The following MCPH1 variants were observed in gnomAD, a reference collection of about 807,000 sequenced individuals.
The protein encoded by MCPH1 is microcephalin 1.
A neutral mutation model predicts 84.5 loss-of-function variants in MCPH1; 104 were observed. The observed-to-expected ratio is 1.23, with a 90% CI of 1.05 to 1.45. The LOEUF is 1.45. MCPH1 is among the 40% of genes most tolerant of loss of function. The pLI, the probability that MCPH1 is intolerant of heterozygous loss-of-function variation, is 0.00. For missense variants in MCPH1, 1,498 were observed against 1,005.7 expected, an observed-to-expected ratio of 1.49 and a Z score of -6.62; for synonymous variants, 514 against 366.8, an observed-to-expected ratio of 1.40 and a Z score of -4.58.
intron 12 of MCPH1, among the ~76,000 whole-genome samples, chr8:6,613,113 G>C (rs1830433915): frequency 1.3e-5 from 2 of 152,170 alleles, no homozygotes; most frequent in African/African-American, 4.8e-5. Context: ...CTGGGGTTCT[G>C]AGGAAGGCAG....
chr8:6,601,579 A>ATACG (rs563226820), intron 12 of MCPH1, among the ~76,000 whole-genome samples: 1 of 148,104 alleles, frequency 6.8e-6, no homozygotes, highest in East Asian at 2.0e-4. Flanking sequence ...CATGCACATC[A>ATACG]TACATGCCCA....
At chr8:6,620,954 C>T (rs1021809647) in intron 12 of MCPH1, 22 of 183,478 alleles carry the variant, frequency 1.2e-4, no homozygotes, top group Admixed American at 1.1e-3. Context: ...TCCCTTTCCC[C>T]GTCCAGACCA....
At chr8:6,509,310 C>T (rs1418593596) in intron 12 of MCPH1, among the ~76,000 whole-genome samples, 3 of 152,196 alleles carry the variant, frequency 2.0e-5, no homozygotes, top group Non-Finnish European at 2.9e-5. Flanking sequence ...CTATCAGAAG[C>T]GACTGTAGAG....
intron 12 of MCPH1, among the ~76,000 whole-genome samples, chr8:6,504,841 G>A (rs1440841998): frequency 2.6e-5 from 4 of 152,052 alleles, no homozygotes; most frequent in Non-Finnish European, 5.9e-5. Flanking sequence ...TATACACATA[G>A]GGTTTGATAC....
intron 12 of MCPH1, among the ~76,000 whole-genome samples, chr8:6,515,036 T>C (rs1815981207): frequency 6.6e-6 from 1 of 152,188 alleles, no homozygotes; most frequent in Non-Finnish European, 1.5e-5. Context: ...TCACTTGTCA[T>C]CATCTGTTCC....
At chr8:6,429,961 A>G (rs557857858) in intron 3 of MCPH1, among the ~76,000 whole-genome samples, 3 of 152,226 alleles carry the variant, frequency 2.0e-5, no homozygotes, top group African/African-American at 7.2e-5. Flanking sequence ...TTTTGTTGCT[A>G]GTCTCCTAAG....
At chr8:6,556,145 C>CT (rs538920544) in intron 12 of MCPH1, among the ~76,000 whole-genome samples, 22 of 149,236 alleles carry the variant, frequency 1.5e-4, no homozygotes, top group Admixed American at 2.7e-4. Flanking sequence ...CTCAGGCTCA[C>CT]TTTTTTTTTT....
At chr8:6,557,688 TACAC>T (rs112788253) in intron 12 of MCPH1, among the ~76,000 whole-genome samples, 5,256 of 148,760 alleles carry the variant, frequency 0.035, 313 homozygotes, top group African/African-American at 0.12. Context: ...TATGTGTGTG[TACAC>T]ACACACACAC....
chr8:6,495,637 G>C (rs955747871), intron 11 of MCPH1, among the ~76,000 whole-genome samples: 2 of 152,012 alleles, frequency 1.3e-5, no homozygotes, highest in East Asian at 3.8e-4. Context: ...CTTTTGTTAC[G>C]CTTATAATAA....
At chr8:6,547,797 C>T (rs183859215) in intron 12 of MCPH1, among the ~76,000 whole-genome samples, 43 of 152,144 alleles carry the variant, frequency 2.8e-4, no homozygotes, top group African/African-American at 1.0e-3. Flanking sequence ...GAATGCGGGG[C>T]CAGGGGAGCA....
At chr8:6,514,163 C>G (rs1422628329) in intron 12 of MCPH1, among the ~76,000 whole-genome samples, 1 of 152,164 alleles carries the variant, frequency 6.6e-6, no homozygotes, top group African/African-American at 2.4e-5. Flanking sequence ...CAAAAAAATG[C>G]TGAGTCCACC....
chr8:6,459,734 T>A (rs567770789), intron 9 of MCPH1, among the ~76,000 whole-genome samples: 1 of 152,352 alleles, frequency 6.6e-6, no homozygotes, highest in Non-Finnish European at 1.5e-5. Flanking sequence ...TATTTTCTTT[T>A]TAGTTTTAAA....
intron 12 of MCPH1, among the ~76,000 whole-genome samples, chr8:6,591,944 G>A (rs1054725042): frequency 1.3e-5 from 2 of 152,124 alleles, no homozygotes; most frequent in African/African-American, 4.8e-5. Context: ...ATACAATGCT[G>A]GGGGAAACCT....
chr8:6,425,838 C>G (rs958637545), intron 3 of MCPH1, among the ~76,000 whole-genome samples: 3 of 152,120 alleles, frequency 2.0e-5, no homozygotes, highest in Non-Finnish European at 4.4e-5. Context: ...AGCTGGGTGA[C>G]CTTTGTCCTG....
intron 12 of MCPH1, among the ~76,000 whole-genome samples, chr8:6,553,320 C>T (rs556217038): frequency 1.3e-5 from 2 of 152,204 alleles, no homozygotes; most frequent in East Asian, 1.9e-4. Context: ...ACAAGTAAAG[C>T]AACAACAACA....
chr8:6,533,719 G>C (rs1309837274), intron 12 of MCPH1, among the ~76,000 whole-genome samples: 1 of 151,888 alleles, frequency 6.6e-6, no homozygotes, highest in Admixed American at 6.6e-5. Context: ...TTGAATAATT[G>C]AAAGATGATT....
At chr8:6,414,169 G>A (rs570559453) in intron 2 of MCPH1, among the ~76,000 whole-genome samples, 5 of 151,950 alleles carry the variant, frequency 3.3e-5, no homozygotes, top group African/African-American at 9.7e-5. Flanking sequence ...CCTTGCACCC[G>A]GATAATTTTT....
At chr8:6,554,407 C>T (rs746350698) in intron 12 of MCPH1, among the ~76,000 whole-genome samples, 1 of 152,004 alleles carries the variant, frequency 6.6e-6, no homozygotes, top group Non-Finnish European at 1.5e-5. Flanking sequence ...TATCAGCCCA[C>T]AGGAAATGAT....
chr8:6,480,935 C>T, intron 11 of MCPH1, 59 bp downstream of exon 11: 5 of 1,588,024 alleles, frequency 3.1e-6, no homozygotes, highest in Non-Finnish European at 4.3e-6. Flanking sequence ...GAGTGGGTCA[C>T]CCTGAGGTGC....
Sources: gnomAD v4.1 joint callset for allele counts (sites outside exome capture counted in the v4.1 genomes callset) on GRCh38, gnomAD v4.1.1 for gene constraint, MANE v1.5 for transcripts, NCBI Gene and HGNC (gene_info 2026-07-23, HGNC 2026-07-21) for gene names.